FGF14: variants seen among roughly 807,000 people sequenced by gnomAD.
FGF14 encodes fibroblast growth factor homologous factor 4.
A neutral mutation model predicts 25.5 loss-of-function variants in FGF14; 5 were observed. That is an observed-to-expected ratio of 0.20 (90% confidence interval 0.10 to 0.41). The LOEUF (loss-of-function observed/expected upper bound fraction) is 0.41. FGF14 is among the 10% of genes least tolerant of loss of function. FGF14 has a pLI of 1.00. For synonymous variants in FGF14, 138 were observed against 118.3 expected, an observed-to-expected ratio of 1.17 and a Z score of -1.08; for missense variants, 222 against 320.1, an observed-to-expected ratio of 0.69 and a Z score of 2.34.
chr13:101,753,697 A>T (rs1469081399), intron 3 of FGF14, among the ~76,000 whole-genome samples: 1 of 151,970 alleles, frequency 6.6e-6, no homozygotes, highest in East Asian at 1.9e-4. Flanking sequence ...CGGCTACTGC[A>T]GAGGCTGAAG....
chr13:102,012,069 T>A (rs11069473), intron 1 of FGF14, among the ~76,000 whole-genome samples: 45,774 of 152,010 alleles, frequency 0.3, 7,629 homozygotes, highest in East Asian at 0.73. Context: ...AAAATATCAC[T>A]GTCTTTTATC....
chr13:102,196,674 A>AT (rs944830055), intron 1 of FGF14, among the ~76,000 whole-genome samples: 9 of 152,200 alleles, frequency 5.9e-5, no homozygotes, highest in Non-Finnish European at 1.2e-4. Context: ...CTCACATATA[A>AT]TTTTTTGTGG....
intron 1 of FGF14, among the ~76,000 whole-genome samples, chr13:101,950,787 C>G (rs1294834700): frequency 8.7e-6 from 1 of 115,504 alleles, no homozygotes; most frequent in South Asian, 2.9e-4. Context: ...AAGGAGTTTT[C>G]AAGCTAATAG....
chr13:102,059,826 G>A (rs924551521), intron 1 of FGF14, among the ~76,000 whole-genome samples: 2 of 151,560 alleles, frequency 1.3e-5, no homozygotes, highest in African/African-American at 4.9e-5. Flanking sequence ...ACTCCAGCCT[G>A]GGTGACAGAG....
chr13:102,121,432 T>A (rs2045719553), intron 1 of FGF14, among the ~76,000 whole-genome samples: 1 of 78,454 alleles, frequency 1.3e-5, no homozygotes, highest in Non-Finnish European at 2.2e-5. Flanking sequence ...TTACTAAATA[T>A]TTTGAATAAA....
At position 102,192,827 on chromosome 13, in the gene FGF14, C is replaced by T. The variant is rs546805397; in HGVS notation, c.208+208644G>A. 1.5e-4 allele frequency among the ~76,000 whole-genome samples: 23 copies of T among 152,254 alleles called. No homozygotes were observed. In the South Asian group the frequency reaches 4.8e-3, roughly 32 times the overall value. ...GGGAACTCAACAGAATGGCCTTTAA[C>T]ATCCATATTGATATCAACATTCTCT... On this transcript the variant is annotated intron_variant, in intron 1 of 4. Transcript: ENST00000376131.
chr13:102,045,065 C>G (rs567819469), intron 1 of FGF14, among the ~76,000 whole-genome samples: 1 of 152,258 alleles, frequency 6.6e-6, no homozygotes, highest in South Asian at 2.1e-4. Context: ...ACCTCAGAGT[C>G]TGAGAGTGTC....
intron 1 of FGF14, among the ~76,000 whole-genome samples, chr13:102,070,449 A>G (rs902707932): frequency 1.3e-5 from 2 of 152,216 alleles, no homozygotes; most frequent in African/African-American, 4.8e-5. Flanking sequence ...GAATTACAAC[A>G]ACCACTGTAG....
intron 1 of FGF14, among the ~76,000 whole-genome samples, chr13:101,897,987 C>T (rs559867065): frequency 1.8e-3 from 279 of 151,858 alleles, no homozygotes; most frequent in Non-Finnish European, 2.7e-3. Context: ...CTCTGCCTCC[C>T]GGGTTCAAGT....
intron 1 of FGF14, among the ~76,000 whole-genome samples, chr13:102,200,619 G>GT (rs5806283): frequency 0.11 from 15,798 of 144,924 alleles, 1,693 homozygotes; most frequent in African/African-American, 0.28. Flanking sequence ...CCATTTGATT[G>GT]TTTTTTTTTT....
At chr13:102,135,599 GA>G (rs1346606451) in intron 1 of FGF14, among the ~76,000 whole-genome samples, 18 of 152,166 alleles carry the variant, frequency 1.2e-4, no homozygotes, top group African/African-American at 4.3e-4. Context: ...ATAATATTTG[GA>G]AAACTGCCTG....
At chr13:101,910,488 C>T (rs951743470) in intron 1 of FGF14, among the ~76,000 whole-genome samples, 2 of 151,986 alleles carry the variant, frequency 1.3e-5, no homozygotes, top group African/African-American at 4.8e-5. Flanking sequence ...GTATGGGTTC[C>T]TATCAATCCC....
intron 1 of FGF14, among the ~76,000 whole-genome samples, chr13:102,399,576 G>T (rs2058655407): frequency 6.6e-6 from 1 of 152,200 alleles, no homozygotes; most frequent in African/African-American, 2.4e-5. Flanking sequence ...TGAACCAAGC[G>T]TCAGCAAGTT....
intron 1 of FGF14, among the ~76,000 whole-genome samples, chr13:101,976,236 C>G (rs910797297): frequency 6.6e-6 from 1 of 151,900 alleles, no homozygotes; most frequent in African/African-American, 2.4e-5. Flanking sequence ...ATTCATAGCG[C>G]TATTAATGTC....
intron 1 of FGF14, among the ~76,000 whole-genome samples, chr13:102,222,068 T>C (rs982167417): frequency 6.6e-6 from 1 of 152,162 alleles, no homozygotes; most frequent in Admixed American, 6.6e-5. Context: ...CACCTCCAAA[T>C]CCTCCTTACC....
intron 1 of FGF14, among the ~76,000 whole-genome samples, chr13:102,274,263 A>T (rs2053397721): frequency 6.6e-6 from 1 of 152,188 alleles, no homozygotes; most frequent in South Asian, 2.1e-4. Flanking sequence ...CAATAACATC[A>T]CTGAATCCCA....
chr13:101,932,615 G>A (rs2034836037), intron 1 of FGF14, among the ~76,000 whole-genome samples: 1 of 151,612 alleles, frequency 6.6e-6, no homozygotes, highest in Non-Finnish European at 1.5e-5. Flanking sequence ...GATAGTACTG[G>A]GGAAGCTTTG....
At chr13:102,132,965 G>C (rs2046263827) in intron 1 of FGF14, among the ~76,000 whole-genome samples, 1 of 152,152 alleles carries the variant, frequency 6.6e-6, no homozygotes, top group Non-Finnish European at 1.5e-5. Context: ...TTGAGCACTT[G>C]CATTTATCTC....
chr13:102,077,966 G>A (rs2043440046), intron 1 of FGF14, among the ~76,000 whole-genome samples: 1 of 152,080 alleles, frequency 6.6e-6, no homozygotes, highest in Admixed American at 6.6e-5. Context: ...TAAAAACGAA[G>A]GAAATCTTGT....
Sources: allele counts gnomAD v4.1 joint callset (sites outside exome capture counted in the v4.1 genomes callset), GRCh38; gene constraint gnomAD v4.1.1; transcripts MANE v1.5; gene names NCBI Gene and HGNC (gene_info 2026-07-23, HGNC 2026-07-21).